FBXL7: variants seen among roughly 807,000 people sequenced by gnomAD.
FBXL7 encodes the protein F-box and leucine rich repeat protein 7.
Under a neutral mutation model 38.3 loss-of-function variants are expected in FBXL7, and 12 were observed. The ratio of observed to expected loss-of-function variants is 0.31; its 90% CI spans 0.20 to 0.51. The LOEUF is 0.51. FBXL7 is among the 20% of genes least tolerant of loss of function. The probability of loss-of-function intolerance (pLI) is 0.98; values close to 1 mark genes in which losing one functional copy is unlikely to be tolerated. For missense variants in FBXL7, 567 were observed against 676.4 expected, an observed-to-expected ratio of 0.84 and a Z score of 1.79; for synonymous variants, 297 against 300.9, an observed-to-expected ratio of 0.99 and a Z score of 0.13.
At chr5:15,794,153 G>A (rs537590389) in intron 2 of FBXL7, among the ~76,000 whole-genome samples, 7 of 152,318 alleles carry the variant, frequency 4.6e-5, no homozygotes, top group South Asian at 4.1e-4. Context: ...CCTATGGAGT[G>A]TAACACAAAT....
At chr5:15,660,544 GA>G (rs940805657) in intron 2 of FBXL7, among the ~76,000 whole-genome samples, 240 of 152,210 alleles carry the variant, frequency 1.6e-3, no homozygotes, top group African/African-American at 5.6e-3. Context: ...TTTTGGTAGA[GA>G]CGGGGTTTCA....
chr5:15,702,243 A>G (rs1358383813), intron 2 of FBXL7, among the ~76,000 whole-genome samples: 1 of 152,052 alleles, frequency 6.6e-6, no homozygotes, highest in Admixed American at 6.6e-5. Flanking sequence ...CTCAAAAAAA[A>G]AAAAAAAAAA....
chr5:15,934,886 C>T (rs184798427), intron 3 of FBXL7, among the ~76,000 whole-genome samples: 1 of 152,244 alleles, frequency 6.6e-6, no homozygotes, highest in Non-Finnish European at 1.5e-5. Flanking sequence ...ACTTACATTC[C>T]AGAGTGAGGA....
chr5:15,729,092 A>G (rs1735503996), intron 2 of FBXL7, among the ~76,000 whole-genome samples: 1 of 152,158 alleles, frequency 6.6e-6, no homozygotes, highest in Non-Finnish European at 1.5e-5. Context: ...CCGTTAATAT[A>G]TGATGTAAAT....
At position 15,631,465 on chromosome 5, in the gene FBXL7, G is replaced by A. The variant is rs531997369; in HGVS notation, c.127+15393G>A. On this transcript the variant is annotated intron_variant, in intron 2 of 3. Coordinates refer to ENST00000504595, the MANE Select transcript of FBXL7 (RefSeq NM_012304.5). Reference sequence around the variant, plus strand: ...AATCCCAGCACTTTGGGAAGCTGAGGCTGGTGGATCACCTGAGGTCAGGAG... The same window carrying A: ...AATCCCAGCACTTTGGGAAGCTGAGACTGGTGGATCACCTGAGGTCAGGAG... Among the ~76,000 whole-genome samples, 6 of 152,090 alleles carry A rather than the reference G, an allele frequency of 3.9e-5. No individual in the cohort carries two copies. The East Asian group carries it at 1.2e-3, about 29-fold the overall frequency.
intron 1 of FBXL7, among the ~76,000 whole-genome samples, chr5:15,564,227 A>G (rs754861575): frequency 6.6e-6 from 1 of 152,090 alleles, no homozygotes; most frequent in East Asian, 1.9e-4. Context: ...TAAAAAATTC[A>G]TAATTTACAT....
chr5:15,595,907 A>G (rs559566718), intron 1 of FBXL7, among the ~76,000 whole-genome samples: 15 of 152,304 alleles, frequency 9.8e-5, no homozygotes, highest in Non-Finnish European at 5.9e-5. Context: ...CATGAGGTCA[A>G]TGAGAGTAGT....
At chr5:15,696,571 C>T (rs4701640) in intron 2 of FBXL7, among the ~76,000 whole-genome samples, 3,429 of 152,278 alleles carry the variant, frequency 0.023, 84 homozygotes, top group South Asian at 0.069. Flanking sequence ...TCCCACCCAA[C>T]CTTGCCCAGC....
chr5:15,703,110 A>G (rs1486317228), intron 2 of FBXL7, among the ~76,000 whole-genome samples: 1 of 152,230 alleles, frequency 6.6e-6, no homozygotes, highest in Admixed American at 6.5e-5. Flanking sequence ...TGTGCAGGTC[A>G]CAGGGGATAT....
intron 2 of FBXL7, among the ~76,000 whole-genome samples, chr5:15,671,267 G>C (rs565213988): frequency 7.1e-4 from 108 of 152,228 alleles, no homozygotes; most frequent in Non-Finnish European, 1.5e-3. Flanking sequence ...CTCTTTCACT[G>C]TATCCCTTTA....
At chr5:15,564,163 G>C (rs1423928893) in intron 1 of FBXL7, among the ~76,000 whole-genome samples, 1 of 151,886 alleles carries the variant, frequency 6.6e-6, no homozygotes, top group African/African-American at 2.4e-5. Flanking sequence ...CTATCAAAGG[G>C]CTCTGGAGTG....
At chr5:15,858,707 T>C (rs987358284) in intron 2 of FBXL7, among the ~76,000 whole-genome samples, 1 of 152,342 alleles carries the variant, frequency 6.6e-6, no homozygotes, top group South Asian at 2.1e-4. Context: ...GATCTTTCTT[T>C]GCTTTTTAAA....
intron 2 of FBXL7, among the ~76,000 whole-genome samples, chr5:15,713,032 CT>C (rs1236318788): frequency 6.6e-6 from 1 of 152,176 alleles, no homozygotes; most frequent in African/African-American, 2.4e-5. Flanking sequence ...TGTAGGTACC[CT>C]TGTGGATTCC....
intron 1 of FBXL7, among the ~76,000 whole-genome samples, chr5:15,514,785 C>T (rs1315612015): frequency 6.6e-6 from 1 of 152,170 alleles, no homozygotes; most frequent in East Asian, 1.9e-4. Flanking sequence ...GTTCACAGCC[C>T]AGTGCCTCTC....
intron 2 of FBXL7, among the ~76,000 whole-genome samples, chr5:15,776,443 GA>G (rs924585002): frequency 4.0e-5 from 6 of 151,690 alleles, no homozygotes; most frequent in African/African-American, 9.7e-5. Context: ...AACTCTTAAG[GA>G]AAAAAAACAT....
At chr5:15,655,667 T>C (rs1370348373) in intron 2 of FBXL7, among the ~76,000 whole-genome samples, 1 of 152,142 alleles carries the variant, frequency 6.6e-6, no homozygotes, top group Admixed American at 6.5e-5. Flanking sequence ...AATAATTCTG[T>C]TTATGTGGAT....
chr5:15,532,062 A>G (rs1270298677), intron 1 of FBXL7, among the ~76,000 whole-genome samples: 1 of 152,240 alleles, frequency 6.6e-6, no homozygotes, highest in African/African-American at 2.4e-5. Context: ...AAATGTTAAC[A>G]CCATGCTTGG....
intron 3 of FBXL7, among the ~76,000 whole-genome samples, chr5:15,930,921 A>G (rs1742021955): frequency 6.6e-6 from 1 of 152,136 alleles, no homozygotes; most frequent in African/African-American, 2.4e-5. Flanking sequence ...GCCACAGTTG[A>G]TTTCATTATG....
At chr5:15,528,121 A>G (rs982813155) in intron 1 of FBXL7, among the ~76,000 whole-genome samples, 4 of 151,914 alleles carry the variant, frequency 2.6e-5, no homozygotes. Flanking sequence ...TTGTTCCTGT[A>G]TCCTCTTTCT....
Sources: gnomAD v4.1 joint callset for allele counts (sites outside exome capture counted in the v4.1 genomes callset) on GRCh38, gnomAD v4.1.1 for gene constraint, MANE v1.5 for transcripts, NCBI Gene and HGNC (gene_info 2026-07-23, HGNC 2026-07-21) for gene names.